The following SNTG2 variants were observed in gnomAD, a reference collection of about 807,000 sequenced individuals.
SNTG2 encodes gamma-2-syntrophin.
Under a neutral mutation model 70.9 loss-of-function variants are expected in SNTG2, and 74 were observed. The observed-to-expected ratio is 1.04, with a 90% CI of 0.86 to 1.27. SNTG2 has a LOEUF of 1.27. SNTG2 is among the 50% of genes most tolerant of loss of function. The pLI is 0.00. For missense variants in SNTG2, 717 were observed against 690.7 expected, an observed-to-expected ratio of 1.04 and a Z score of -0.43; for synonymous variants, 278 against 273.8, an observed-to-expected ratio of 1.02 and a Z score of -0.15.
At chr2:1,049,240 T>A (rs530508755) in intron 1 of SNTG2, among the ~76,000 whole-genome samples, 1 of 152,194 alleles carries the variant, frequency 6.6e-6, no homozygotes, top group Non-Finnish European at 1.5e-5. Flanking sequence ...AAATCTGTAA[T>A]GACAGGTAGG....
intron 6 of SNTG2, among the ~76,000 whole-genome samples, chr2:1,140,238 G>A (rs1668657092): frequency 6.6e-6 from 1 of 150,960 alleles, no homozygotes; most frequent in South Asian, 2.1e-4. Flanking sequence ...ACTACTTTAA[G>A]TTGTTAAAAC....
chr2:1,328,789 G>A (rs1186754349), intron 16 of SNTG2, among the ~76,000 whole-genome samples: 1 of 151,978 alleles, frequency 6.6e-6, no homozygotes. Flanking sequence ...CTCAAAACGT[G>A]TGTATCCACA....
At chr2:1,106,411 G>A (rs183672064) in intron 4 of SNTG2, among the ~76,000 whole-genome samples, 22 of 109,046 alleles carry the variant, frequency 2.0e-4, no homozygotes, top group African/African-American at 4.9e-4. Flanking sequence ...GGTGCAGGGT[G>A]TGGAGAGCTC....
At chr2:1,069,966 A>G (rs890366079) in intron 1 of SNTG2, among the ~76,000 whole-genome samples, 2 of 152,038 alleles carry the variant, frequency 1.3e-5, no homozygotes, top group African/African-American at 4.8e-5. Context: ...GCTCGTTCCC[A>G]CAGCCACTGT....
intron 8 of SNTG2, among the ~76,000 whole-genome samples, chr2:1,208,518 C>A (rs372732446): frequency 3.9e-5 from 6 of 152,242 alleles, no homozygotes; most frequent in African/African-American, 1.4e-4. Context: ...TGGACTCTTG[C>A]GGGGCTGCTG....
intron 8 of SNTG2, among the ~76,000 whole-genome samples, chr2:1,204,911 A>T (rs1337267925): frequency 6.6e-6 from 1 of 152,124 alleles, no homozygotes; most frequent in Non-Finnish European, 1.5e-5. Context: ...GAAAGCAAAG[A>T]TTTGTCTTCA....
intron 1 of SNTG2, among the ~76,000 whole-genome samples, chr2:1,049,307 C>T (rs1032654223): frequency 2.6e-5 from 4 of 152,206 alleles, no homozygotes; most frequent in Admixed American, 2.6e-4. Context: ...TTCCTCTGTG[C>T]TCCACCTGCC....
rs187617418 is a variant in SNTG2 at position 1,207,454 on chromosome 2, C to T, written c.592-1649C>T. On this transcript the variant is annotated intron_variant, in intron 8 of 16. Transcript: ENST00000308624. ...TGCCTTCAGACACATCTGTAGATGG[C>T]GATGCCGCCTCTTCTGTATGACGCT... 7.1e-4 allele frequency among the ~76,000 whole-genome samples: 108 copies of T among 152,244 alleles called. 1 individual carries two copies. Among genetic ancestry groups the T allele is most frequent in the African/African-American group, 2.4e-3 (99 of 41,546 alleles).
intron 6 of SNTG2, among the ~76,000 whole-genome samples, chr2:1,147,675 G>A (rs545443973): frequency 6.6e-6 from 1 of 152,156 alleles, no homozygotes; most frequent in African/African-American, 2.4e-5. Flanking sequence ...ACCCAAGTAT[G>A]GGGGGTAAGA....
At chr2:1,241,330 G>A (rs895867639) in intron 11 of SNTG2, among the ~76,000 whole-genome samples, 4 of 152,216 alleles carry the variant, frequency 2.6e-5, no homozygotes, top group Non-Finnish European at 4.4e-5. Context: ...GTCCGCAAGT[G>A]GAGAGCATAC....
At chr2:1,324,476 A>G (rs943578754) in intron 16 of SNTG2, among the ~76,000 whole-genome samples, 7 of 152,236 alleles carry the variant, frequency 4.6e-5, no homozygotes, top group Non-Finnish European at 2.9e-5. Context: ...AACCTATTCT[A>G]TTAGGAAGTC....
chr2:1,212,897 A>C (rs1227854826), intron 9 of SNTG2, among the ~76,000 whole-genome samples: 1 of 152,222 alleles, frequency 6.6e-6, no homozygotes, highest in Non-Finnish European at 1.5e-5. Flanking sequence ...TGTCAATTCT[A>C]AATCAAACAG....
chr2:1,217,516 G>C (rs773561399), intron 9 of SNTG2, among the ~76,000 whole-genome samples: 7 of 152,124 alleles, frequency 4.6e-5, no homozygotes, highest in Non-Finnish European at 8.8e-5. Context: ...CCACAGAGTG[G>C]GGCTTTCCCT....
At chr2:1,327,042 T>C (rs1681792202) in intron 16 of SNTG2, among the ~76,000 whole-genome samples, 1 of 152,064 alleles carries the variant, frequency 6.6e-6, no homozygotes, top group African/African-American at 2.4e-5. Flanking sequence ...AGAATAAGTA[T>C]ATTTTCTTAT....
At chr2:993,528 A>G (rs535393662) in intron 1 of SNTG2, among the ~76,000 whole-genome samples, 1 of 152,242 alleles carries the variant, frequency 6.6e-6, no homozygotes, top group East Asian at 1.9e-4. Flanking sequence ...TATGAGTGGA[A>G]TTACTGGCCA....
At chr2:1,165,440 T>C in intron 6 of SNTG2, 108 bp from the exon 7 acceptor site, 1 of 1,075,040 alleles carries the variant, frequency 9.3e-7, no homozygotes, top group Non-Finnish European at 1.4e-6. Context: ...GAGGTAACTA[T>C]GAACTTTGAA....
intron 1 of SNTG2, among the ~76,000 whole-genome samples, chr2:995,068 A>G (rs539992352): frequency 4.0e-5 from 6 of 151,832 alleles, no homozygotes; most frequent in African/African-American, 1.4e-4. Context: ...TTTTCCTCCT[A>G]ATATTCCTTT....
chr2:1,308,429 C>T, intron 14 of SNTG2, 65 bp from the exon 15 acceptor site: 2 of 1,405,660 alleles, frequency 1.4e-6, no homozygotes, highest in Non-Finnish European at 2.0e-6. Context: ...AATATGGAGA[C>T]TACCTAATTA....
intron 4 of SNTG2, among the ~76,000 whole-genome samples, chr2:1,133,833 A>C (rs1381714208): frequency 2.0e-5 from 3 of 152,166 alleles, no homozygotes; most frequent in Non-Finnish European, 2.9e-5. Flanking sequence ...ACTGAACCAA[A>C]ATTGCTTAAG....
Sources: gnomAD v4.1 joint callset for allele counts (sites outside exome capture counted in the v4.1 genomes callset) on GRCh38, gnomAD v4.1.1 for gene constraint, MANE v1.5 for transcripts, NCBI Gene and HGNC (gene_info 2026-07-23, HGNC 2026-07-21) for gene names.